Variants in FHOD3 observed in about 807,000 individuals in gnomAD.
FHOD3 encodes the protein formin homology 2 domain containing 3, also known as FH1/FH2 domain-containing protein 3.
Under a neutral mutation model 173.0 loss-of-function variants are expected in FHOD3, and 90 were observed. That is an observed-to-expected ratio of 0.52 (90% confidence interval 0.44 to 0.62). FHOD3 has a LOEUF of 0.62. Ranked by LOEUF, FHOD3 falls within the 20% of genes least tolerant of loss-of-function variation. The pLI is 0.00. For synonymous variants in FHOD3, 828 were observed against 823.0 expected (o/e 1.01, Z -0.10); for missense variants, 1,945 against 2,034.7 (o/e 0.96, Z 0.85).
At chr18:36,516,538 A>C (rs1407114999) in intron 5 of FHOD3, among the ~76,000 whole-genome samples, 1 of 152,084 alleles carries the variant, frequency 6.6e-6, no homozygotes, top group East Asian at 1.9e-4. Context: ...GTGTAGACTT[A>C]ATGGGCTGCT....
intron 3 of FHOD3, among the ~76,000 whole-genome samples, chr18:36,405,959 C>T (rs2049035328): frequency 1.3e-5 from 2 of 152,282 alleles, no homozygotes; most frequent in Non-Finnish European, 2.9e-5. Flanking sequence ...GTGGTCTGTG[C>T]CCAGCAGTGC....
At chr18:36,605,083 C>G (rs971225510) in intron 8 of FHOD3, among the ~76,000 whole-genome samples, 5 of 152,168 alleles carry the variant, frequency 3.3e-5, no homozygotes, top group African/African-American at 1.2e-4. Context: ...GAAACATAAT[C>G]CTAAGAATTC....
chr18:36,525,270 G>T (rs113279494), intron 5 of FHOD3, among the ~76,000 whole-genome samples: 31 of 152,290 alleles, frequency 2.0e-4, no homozygotes, highest in African/African-American at 7.0e-4. Context: ...ATGAATCCCT[G>T]AAAAGAAAGT....
At chr18:36,612,959 C>T (rs1268037222) in intron 9 of FHOD3, among the ~76,000 whole-genome samples, 1 of 152,098 alleles carries the variant, frequency 6.6e-6, no homozygotes, top group Non-Finnish European at 1.5e-5. Flanking sequence ...TAGGAGCTGC[C>T]CTATCTTTTC....
Position 36,652,585 on chromosome 18 carries a change from C to T in FHOD3, c.1302C>T (p.Ala434=). Reference sequence around the variant, plus strand: ...GGCCCAACAGCAAGGTCGGCGCTGCCTCAGGGCAGAGCCCCACTGGAAGGG... The same window carrying T: ...GGCCCAACAGCAAGGTCGGCGCTGCTTCAGGGCAGAGCCCCACTGGAAGGG... ...CQGKDSKVGA[A]SGQSPTGRDA... The change falls in exon 12 of 29, where the codon GCC becomes GCT. Residue 434 remains alanine, a synonymous_variant. Coordinates refer to ENST00000590592, the MANE Select transcript of FHOD3 (RefSeq NM_001281740.3). 2 of 1,532,680 alleles carry T rather than the reference C, an allele frequency of 1.3e-6. No homozygotes were observed. The highest frequency in any genetic ancestry group is 1.7e-6 in the Non-Finnish European group (2 of 1,145,218). The allele number at this position is 1,532,680 out of a possible 1,614,324, so 94.9% of individuals were successfully genotyped here.
intron 20 of FHOD3, among the ~76,000 whole-genome samples, chr18:36,736,947 C>G (rs999553485): frequency 6.6e-6 from 1 of 152,100 alleles, no homozygotes; most frequent in Non-Finnish European, 1.5e-5. Flanking sequence ...AAATTATGAT[C>G]GTGCAATTAT....
chr18:36,299,039 G>T (rs1287178056), intron 1 of FHOD3, among the ~76,000 whole-genome samples: 3 of 140,738 alleles, frequency 2.1e-5, no homozygotes, highest in Non-Finnish European at 3.2e-5. Context: ...ATGCCCAAAA[G>T]AACAAAATTG....
At chr18:36,549,304 A>C (rs1291553573) in intron 5 of FHOD3, among the ~76,000 whole-genome samples, 2 of 151,870 alleles carry the variant, frequency 1.3e-5, no homozygotes, top group African/African-American at 2.4e-5. Flanking sequence ...ATTGTTTTTT[A>C]ATATTTCTCT....
intron 1 of FHOD3, among the ~76,000 whole-genome samples, chr18:36,322,879 CTTACTGCTGTCTGT>C (rs2044472490): frequency 6.6e-6 from 1 of 152,230 alleles, no homozygotes; most frequent in Non-Finnish European, 1.5e-5. Flanking sequence ...TCCACTGACA[CTTACTGCTGTCTGT>C]TGAGTGCCAG....
At chr18:36,473,650 C>T (rs934503470) in intron 3 of FHOD3, among the ~76,000 whole-genome samples, 3 of 152,126 alleles carry the variant, frequency 2.0e-5, no homozygotes, top group East Asian at 1.9e-4. Context: ...TAATAACTTC[C>T]AATAACTTCC....
At chr18:36,576,625 G>C in intron 6 of FHOD3, 80 bp downstream of exon 6, 4 of 1,124,464 alleles carry the variant, frequency 3.6e-6, no homozygotes, top group Non-Finnish European at 5.1e-6. Context: ...CAGTTTTGCA[G>C]AAAGAAATTT....
At chr18:36,372,786 G>T in intron 3 of FHOD3, 42 bp downstream of exon 3, 2 of 1,539,808 alleles carry the variant, frequency 1.3e-6, no homozygotes, top group East Asian at 2.3e-5. Context: ...TATGATGAAA[G>T]ACGCGACTTA....
chr18:36,395,607 G>A (rs548693425), intron 3 of FHOD3, among the ~76,000 whole-genome samples: 5 of 152,116 alleles, frequency 3.3e-5, no homozygotes, highest in Admixed American at 1.3e-4. Context: ...TCTCACATGA[G>A]TGCATGGAGT....
chr18:36,337,787 T>C (rs1279793459), intron 1 of FHOD3, among the ~76,000 whole-genome samples: 1 of 152,200 alleles, frequency 6.6e-6, no homozygotes, highest in East Asian at 1.9e-4. Flanking sequence ...ACCCTATACT[T>C]TGTGATGCCA....
At chr18:36,472,776 G>A (rs2053357027) in intron 3 of FHOD3, among the ~76,000 whole-genome samples, 1 of 152,064 alleles carries the variant, frequency 6.6e-6, no homozygotes, top group African/African-American at 2.4e-5. Flanking sequence ...TAATTTTCCA[G>A]TGCATGTATA....
At chr18:36,528,805 A>G (rs1433056733) in intron 5 of FHOD3, among the ~76,000 whole-genome samples, 4 of 152,228 alleles carry the variant, frequency 2.6e-5, no homozygotes, top group African/African-American at 9.6e-5. Context: ...CGTTCGTTGT[A>G]CAGCTCTGCC....
Position 36,760,683 on chromosome 18 carries a change from G to C in FHOD3, c.4525G>C (p.Glu1509Gln). ...TCTGAGCTATGCGGAGGACGCGGCT[G>C]AGCACGAGAACATGAAGGCTGTGCT... ...QGLSYAEDAA[E>Q]HENMKAVLKT... Residue 1509 changes from glutamate to glutamine, a missense_variant, in exon 27 of 29, where the codon GAG (glutamate) becomes CAG (glutamine). Glu to Gln is a conservative substitution (Grantham distance 29). Coordinates refer to ENST00000590592, the MANE Select transcript of FHOD3 (RefSeq NM_001281740.3). 1.2e-6 allele frequency: 2 copies of C among 1,613,328 alleles called. No individual in the cohort carries two copies. Among genetic ancestry groups the C allele is most frequent in the Non-Finnish European group, 1.7e-6 (2 of 1,180,030 alleles).
intron 19 of FHOD3, among the ~76,000 whole-genome samples, chr18:36,726,894 C>T (rs372961743): frequency 2.6e-5 from 4 of 152,148 alleles, no homozygotes; most frequent in East Asian, 1.9e-4. Flanking sequence ...AGGATGGCCT[C>T]GATCTCTTGA....
Position 36,760,747 on chromosome 18 carries a change from C to G in FHOD3, c.4589C>G (p.Ala1530Gly). 2 of 1,612,280 alleles carry G rather than the reference C, an allele frequency of 1.2e-6. No individual in the cohort carries two copies. The highest frequency in any genetic ancestry group is 1.7e-6 in the Non-Finnish European group (2 of 1,179,742). ...CCCTCCGTGGAGGACGCCACCCCCG[C>G]GCTGGGCGTCCGCACACGCAGCCGA... ...SSPSVEDATPALGVRTRSRAS... is the reference protein window; with the variant it reads ...SSPSVEDATPGLGVRTRSRAS... The change falls in exon 27 of 29, where the codon GCG (alanine) becomes GGG (glycine). Residue 1530 changes from alanine to glycine, a missense_variant. By Grantham distance (60) the Ala-to-Gly change is moderately conservative. Around this residue, in one of 5 missense-constraint regions of FHOD3, gnomAD observed 354 missense variants for 359.9 expected, o/e 0.98. Transcript: ENST00000590592.
Sources: gnomAD v4.1 joint callset for allele counts (sites outside exome capture counted in the v4.1 genomes callset) on GRCh38, gnomAD v4.1.1 for gene constraint, gnomAD v4.1.1 regional missense constraint, MANE v1.5 for transcripts, NCBI Gene and HGNC (gene_info 2026-07-23, HGNC 2026-07-21) for gene names.